The following INF2 variants were observed in gnomAD, a reference collection of about 807,000 sequenced individuals.
The protein encoded by INF2 is inverted formin-2.
In INF2, 43 loss-of-function variants were observed where a neutral mutation model predicts 123.5. That is an observed-to-expected ratio of 0.35 (90% CI 0.27 to 0.45). The LOEUF (loss-of-function observed/expected upper bound fraction) is 0.45, where lower values mean the gene tolerates loss of function less well. Among genes scored for constraint, INF2 ranks in the 20% least tolerant of loss-of-function variants. INF2 has a pLI of 1.00. For synonymous variants in INF2, 851 were observed against 745.0 expected (o/e 1.14, Z -2.32); for missense variants, 1,453 against 1,682.7 (o/e 0.86, Z 2.39).
intron 18 of INF2, 42 bp downstream of exon 18, chr14:104,713,034 G>A (rs1566785282): frequency 6.2e-7 from 1 of 1,610,634 alleles, no homozygotes; most frequent in Admixed American, 1.7e-5. Flanking sequence ...GGCTAGAGTG[G>A]GGTCCCGAGG....
Position 104,701,646 on chromosome 14 carries a change from A to T in INF2, c.281A>T (p.Asp94Val). ...LSGRGVARIS[D>V]ALLQLTCVSC... is the part of the protein sequence containing the mutation. ...GGCCGCGGCGTTGCACGTATCTCCG[A>T]CGCCCTGCTGCAGCTCACCTGCGTC... Residue 94 changes from aspartate (D) to valine (V), a missense_variant, in exon 2 of 23, where the codon GAC becomes GTC. This residue lies in a region of INF2 where 251 missense variants were observed against 349.4 expected (regional missense o/e 0.72). Coordinates refer to ENST00000392634, the MANE Select transcript of INF2 (RefSeq NM_022489.4). The T allele has an allele frequency of 3.1e-6, 5 of 1,597,790 alleles. No individual in the cohort carries two copies. Among genetic ancestry groups the T allele is most frequent in the Non-Finnish European group, 4.3e-6 (5 of 1,174,240 alleles).
chr14:104,707,406 A>G lies in INF2; in HGVS notation c.1139A>G (p.Lys380Arg), dbSNP rs762096939. ...TCCCCGCAAAACACTACAACCCCCAAGCCCAGCGTGGAGGGCCAGCAGCCA... is the reference window on the plus strand; with the variant it reads ...TCCCCGCAAAACACTACAACCCCCAGGCCCAGCGTGGAGGGCCAGCAGCCA... ...GSSPQNTTTP[K>R]PSVEGQQPAA... Residue 380 changes from lysine (K) to arginine (R), a missense_variant, in exon 8 of 23, where the codon AAG (lysine) becomes AGG (arginine). Coordinates refer to ENST00000392634, the MANE Select transcript of INF2 (RefSeq NM_022489.4). The G allele has an allele frequency of 2.2e-5, 35 of 1,585,120 alleles. No individual in the cohort carries two copies. The Admixed American group carries it at 5.1e-4, about 23-fold the overall frequency.
upstream of INF2, chr14:104,689,182 C>T: frequency 1.0e-6 from 1 of 971,338 alleles, no homozygotes; most frequent in Non-Finnish European, 1.2e-6. Flanking sequence ...CTGAGGGATC[C>T]CCGAACGCGG....
In INF2 at chr14:104,701,716, C is replaced by T; in HGVS notation, c.351C>T (p.Tyr117=). The T allele has an allele frequency of 6.5e-7, 1 of 1,540,620 alleles. No individual in the cohort carries two copies. Among genetic ancestry groups the T allele is most frequent in the South Asian group, 1.2e-5 (1 of 81,966 alleles). Reference sequence around the variant, plus strand: ...TGAACTCGCGGCAGGGCATCGAGTACATCCTCAGCAACCAGGGCTACGTGC... The same window carrying T: ...TGAACTCGCGGCAGGGCATCGAGTATATCCTCAGCAACCAGGGCTACGTGC... ...AVMNSRQGIE[Y]ILSNQGYVRQ... is the part of the protein sequence containing the mutation. Residue 117 remains tyrosine (Y), a synonymous_variant, in exon 2 of 23, where the codon TAC becomes TAT. Transcript: ENST00000392634.
rs915453846 is a variant in INF2, at chr14:104,708,225, G to A, written c.1736-211G>A. ...AGGACCCCCCTCCACATGCTCCCGTGAGCCAGTGCATCTGGGGTGCCATGG... is the reference window on the plus strand; with the variant it reads ...AGGACCCCCCTCCACATGCTCCCGTAAGCCAGTGCATCTGGGGTGCCATGG... On this transcript the variant is annotated intron_variant, in intron 8 of 22. Transcript: ENST00000392634. 7 of 868,230 alleles carry A rather than the reference G, an allele frequency of 8.1e-6. No individual in the cohort carries two copies. The African/African-American group carries it at 8.5e-5, about 11-fold the overall frequency. 53.8% of individuals were successfully genotyped at this position (868,230 alleles called of 1,614,324 possible). A position where few individuals can be genotyped will look rare whatever the true frequency, so the allele number is the denominator to read the frequency against.
rs577304006 is a variant in INF2 at position 104,699,510 on chromosome 14, C to T, written c.-9-1847C>T. ...TCTCTGGCAGCTCAGCGGTCAGCAG[C>T]GATGAGAAGCCAGGGGAGCGTGAGG... On this transcript the variant is annotated intron_variant, in intron 1 of 22. Coordinates refer to ENST00000392634, the MANE Select transcript of INF2 (RefSeq NM_022489.4). This position sits in a 1 kb window ranked among gnomAD's most constrained non-coding sequence, Gnocchi z 4.7. 1.5e-5 allele frequency: 15 copies of T among 985,244 alleles called. 1 individual carries two copies. The East Asian group carries it at 3.4e-4, about 22-fold the overall frequency. 61.0% of individuals were successfully genotyped at this position (985,244 alleles called of 1,614,324 possible).
intron 1 of INF2, among the ~76,000 whole-genome samples, chr14:104,695,584 T>C (rs1889153108): frequency 6.8e-6 from 1 of 146,378 alleles, no homozygotes; most frequent in Admixed American, 6.9e-5. Flanking sequence ...TTGCCGACTC[T>C]CCTCCCAGTG....
At chr14:104,700,416 C>G (rs1441566003) in intron 1 of INF2, among the ~76,000 whole-genome samples, 1 of 152,150 alleles carries the variant, frequency 6.6e-6, no homozygotes, top group Admixed American at 6.5e-5. Flanking sequence ...CCCCCTAGCT[C>G]CCTCCCCGAG....
chr14:104,706,117 GTC>G lies in INF2; in HGVS notation c.788_789del (p.Ser263TrpfsTer76). ...CGAGGACGAGGAGGAGCTGCTGCGA[GTC>G]TCTGGCGGGGTCGACATGAGCAGCC... Reference protein sequence around the residue: ...KAEDEEELLRVSGGVDMSSHQ... With the variant: ...KAEDEEELLRXSGGVDMSSHQ... On this transcript the variant is annotated frameshift_variant, in exon 6 of 23. Transcript: ENST00000392634. LOFTEE classifies it high-confidence loss of function. 2.5e-6 allele frequency: 4 copies of G among 1,611,516 alleles called. No homozygotes were observed. Among genetic ancestry groups the G allele is most frequent in the Non-Finnish European group, 3.4e-6 (4 of 1,179,308 alleles).
chr14:104,707,923 C>G lies in INF2; in HGVS notation c.1656C>G (p.Pro552=). The G allele has an allele frequency of 6.2e-7, 1 of 1,601,496 alleles. No individual in the cohort carries two copies. The highest frequency in any genetic ancestry group is 8.5e-7 in the Non-Finnish European group (1 of 1,179,724). The change falls in exon 8 of 23, where the codon CCC becomes CCG. Residue 552 remains proline, a synonymous_variant. Coordinates refer to ENST00000392634, the MANE Select transcript of INF2 (RefSeq NM_022489.4). ...VDHGLGSAWV[P]SHRRVNPPTL... The stretch of plus-strand genomic sequence containing the variant: ...ATGGCTTGGGCTCAGCATGGGTCCC[C>G]AGCCATCGGCGGGTGAACCCACCCA...
At chr14:104,716,298 C>T (rs1181303544) in intron 22 of INF2, among the ~76,000 whole-genome samples, 2 of 152,246 alleles carry the variant, frequency 1.3e-5, no homozygotes, top group Admixed American at 6.5e-5. Flanking sequence ...GTCGTGACCC[C>T]GGAGAAGCTT....
chr14:104,706,986 C>G lies in INF2; in HGVS notation c.920C>G (p.Ser307Cys), dbSNP rs1233122019. The G allele has an allele frequency of 6.3e-7, 1 of 1,599,138 alleles. No homozygotes were observed. Among genetic ancestry groups the G allele is most frequent in the Admixed American group, 1.7e-5 (1 of 59,670 alleles). The change falls in exon 7 of 23, where the codon TCC (serine) becomes TGC (cysteine). Residue 307 changes from serine (S) to cysteine (C), a missense_variant. Coordinates refer to ENST00000392634, the MANE Select transcript of INF2 (RefSeq NM_022489.4). ...CTGCACCTGGAGCCCACCCTCCGCT[C>G]CAGCCAGCTGCTCTGGGAGGCCCTG... Reference protein sequence around the residue: ...GLLHLEPTLRSSQLLWEALES... With the variant: ...GLLHLEPTLRCSQLLWEALES...
chr14:104,681,270 C>G (rs1262137127), exon 1 of INF2: 1 of 365,846 alleles, frequency 2.7e-6, no homozygotes, highest in Admixed American at 3.3e-5. Flanking sequence ...ATAGGGGCCT[C>G]ATCAATGCCC....
At position 104,707,637 on chromosome 14, in the gene INF2, C is replaced by T; in HGVS notation, c.1370C>T (p.Ala457Val). The change falls in exon 8 of 23, where the codon GCA becomes GTA. Residue 457 changes from alanine to valine, a missense_variant. By Grantham distance (64) the Ala-to-Val change is moderately conservative (BLOSUM62 0). Around this residue, in one of 8 missense-constraint regions of INF2, gnomAD observed 374 missense variants for 303.7 expected, o/e 1.23. Coordinates refer to ENST00000392634, the MANE Select transcript of INF2 (RefSeq NM_022489.4). ...PSVGAKALPTAPPPPPLPGLG... is the reference protein window; with the variant it reads ...PSVGAKALPTVPPPPPLPGLG... ...GTGGGGGCTAAGGCCCTCCCAACAGCACCCCCGCCCCCACCCCTGCCAGGC... is the reference window on the plus strand; with the variant it reads ...GTGGGGGCTAAGGCCCTCCCAACAGTACCCCCGCCCCCACCCCTGCCAGGC... 1 of 973,116 alleles carries T rather than the reference C, an allele frequency of 1.0e-6. No individual in the cohort carries two copies. The highest frequency in any genetic ancestry group is 2.8e-5 in the East Asian group (1 of 35,698). 60.3% of individuals were successfully genotyped at this position (973,116 alleles called of 1,614,324 possible). A position where few individuals can be genotyped will look rare whatever the true frequency, so the allele number is the denominator to read the frequency against.
intron 1 of INF2, among the ~76,000 whole-genome samples, chr14:104,682,635 A>G (rs1242309587): frequency 6.6e-6 from 1 of 152,184 alleles, no homozygotes; most frequent in African/African-American, 2.4e-5. Flanking sequence ...ACCTGGCTGC[A>G]GGTCCCATCC....
In INF2 at chr14:104,684,193, A is replaced by G; in HGVS notation, c.-104+2611A>G. 1 of 452,688 alleles carries G rather than the reference A, an allele frequency of 2.2e-6. No individual in the cohort carries two copies. The allele number at this position is 452,688 out of a possible 1,614,324, so 28.0% of individuals were successfully genotyped here. A position where few individuals can be genotyped will look rare whatever the true frequency, so the allele number is the denominator to read the frequency against. ...GGGAAACAGCACGCATCCCATCTGG[A>G]CTCCCACCAGACAACTGAGGCAACC... On this transcript the variant is annotated intron_variant, in intron 1 of 2. Transcript: ENST00000674723. The surrounding 1 kb of genome is among the most constrained non-coding windows in gnomAD (Gnocchi z 5.0).
intron 15 of INF2, 78 bp from the exon 16 acceptor site, chr14:104,711,551 C>T: frequency 6.2e-6 from 8 of 1,285,978 alleles, no homozygotes; most frequent in Non-Finnish European, 9.1e-6. Context: ...AGGGTTAGAG[C>T]TGGGGGAGTG....
At position 104,706,800 on chromosome 14, in the gene INF2, G is replaced by A. The variant is rs529768595; in HGVS notation, c.844-110G>A. ...CTGAAACTCTCATCTCTAGGGATCC[G>A]TGGGAATAGAGGGGGTGATGGGGCT... On this transcript the variant is annotated intron_variant, in intron 6 of 22. Coordinates refer to ENST00000392634, the MANE Select transcript of INF2 (RefSeq NM_022489.4). The A allele has an allele frequency of 5.8e-4, 722 of 1,252,108 alleles. 3 individuals carry two copies. The highest frequency in any genetic ancestry group is 7.5e-4 in the Non-Finnish European group (676 of 906,526). 77.6% of individuals were successfully genotyped at this position (1,252,108 alleles called of 1,614,324 possible). A position where few individuals can be genotyped will look rare whatever the true frequency, so the allele number is the denominator to read the frequency against.
At chr14:104,705,017 CT>C (rs1314719189) in intron 5 of INF2, among the ~76,000 whole-genome samples, 1 of 127,678 alleles carries the variant, frequency 7.8e-6, no homozygotes, top group African/African-American at 3.8e-5. Flanking sequence ...ACCCACATAG[CT>C]GAGAAGCTCT....
Sources: allele counts gnomAD v4.1 joint callset (sites outside exome capture counted in the v4.1 genomes callset), GRCh38; gene constraint gnomAD v4.1.1; regional missense constraint gnomAD v4.1.1; non-coding constraint Gnocchi (gnomAD v3.1); transcripts MANE v1.5; gene names NCBI Gene and HGNC (gene_info 2026-07-23, HGNC 2026-07-21).